Variants in ZC3H12B observed in about 807,000 individuals in gnomAD.
The protein encoded by ZC3H12B is zinc finger CCCH-type containing 12B, also known as probable ribonuclease ZC3H12B.
A neutral mutation model predicts 43.9 loss-of-function variants in ZC3H12B; 7 were observed. The ratio of observed to expected loss-of-function variants is 0.16; its 90% CI spans 0.09 to 0.30. The LOEUF (loss-of-function observed/expected upper bound fraction) is 0.30, where lower values mean the gene tolerates loss of function less well. Among genes scored for constraint, ZC3H12B ranks in the 10% least tolerant of loss-of-function variants. The probability of loss-of-function intolerance (pLI) is 1.00; values close to 1 mark genes in which losing one functional copy is unlikely to be tolerated. For missense variants in ZC3H12B, 475 were observed against 670.2 expected, an observed-to-expected ratio of 0.71 and a Z score of 3.22; for synonymous variants, 222 against 241.7, an observed-to-expected ratio of 0.92 and a Z score of 0.76.
chrX:65,462,681 G>C (rs183211584), intron 3 of ZC3H12B, among the ~76,000 whole-genome samples: 1 of 111,704 alleles, frequency 9.0e-6, no homozygotes, highest in Non-Finnish European at 1.9e-5. Flanking sequence ...ATGTAAATTA[G>C]TTCAGCCACT....
the ZC3H12B span, among the ~76,000 whole-genome samples, chrX:65,248,064 G>C: frequency 9.1e-6 from 1 of 110,471 alleles, no homozygotes; most frequent in Admixed American, 9.6e-5. Context: ...TTTTTTTGTG[G>C]TGGAGTCTCG....
intron 2 of ZC3H12B, among the ~76,000 whole-genome samples, chrX:65,377,393 A>C (rs190272839): frequency 2.3e-3 from 259 of 110,654 alleles, no homozygotes; most frequent in African/African-American, 8.0e-3. Flanking sequence ...CTGGGGAAAA[A>C]AATCGATATC....
At chrX:65,188,233 A>C in the ZC3H12B span, among the ~76,000 whole-genome samples, 1 of 111,323 alleles carries the variant, frequency 9.0e-6, no homozygotes, top group Non-Finnish European at 1.9e-5. Flanking sequence ...GGTTGCTTCC[A>C]CATTTTGGCT....
chrX:65,284,329 C>G, the ZC3H12B span, among the ~76,000 whole-genome samples: 1 of 108,756 alleles, frequency 9.2e-6, no homozygotes, highest in South Asian at 3.9e-4. Context: ...AGTAATAGAT[C>G]TTAATCAGAA....
chrX:65,247,736 G>A, the ZC3H12B span, among the ~76,000 whole-genome samples: 1 of 111,904 alleles, frequency 8.9e-6, no homozygotes, highest in South Asian at 3.7e-4. Context: ...TTGGTGGGGA[G>A]GAGAGAGAGC....
chrX:65,253,709 G>A, the ZC3H12B span, among the ~76,000 whole-genome samples: 759 of 111,826 alleles, frequency 6.8e-3, 10 homozygotes, highest in African/African-American at 0.023. Context: ...CCCAAATGGG[G>A]TGCCTGCCAA....
the ZC3H12B span, among the ~76,000 whole-genome samples, chrX:65,289,516 A>G: frequency 1.8e-5 from 2 of 109,449 alleles, no homozygotes; most frequent in South Asian, 7.5e-4. Flanking sequence ...CAGGGAGTAC[A>G]TGTATATATT....
chrX:65,244,496 G>T, the ZC3H12B span, among the ~76,000 whole-genome samples: 1 of 108,864 alleles, frequency 9.2e-6, no homozygotes, highest in Non-Finnish European at 1.9e-5. Flanking sequence ...TGTAATCCCA[G>T]TACCTTGGGA....
the ZC3H12B span, among the ~76,000 whole-genome samples, chrX:65,204,018 C>G: frequency 1.8e-5 from 2 of 112,123 alleles, no homozygotes; most frequent in African/African-American, 3.2e-5. Context: ...CAGGACAACA[C>G]TGAGTTTGAA....
chrX:65,081,033 T>TA, the ZC3H12B span, among the ~76,000 whole-genome samples: 2 of 110,365 alleles, frequency 1.8e-5, no homozygotes, highest in East Asian at 5.7e-4. Flanking sequence ...TGCTTTTTTT[T>TA]AATGCAAAGA....
the ZC3H12B span, among the ~76,000 whole-genome samples, chrX:65,212,685 CAT>C: frequency 3.6e-5 from 3 of 83,744 alleles, no homozygotes; most frequent in Admixed American, 1.6e-4. Flanking sequence ...ATTTATATAT[CAT>C]ATATAAATAT....
At chrX:65,279,417 T>C in the ZC3H12B span, among the ~76,000 whole-genome samples, 1 of 109,727 alleles carries the variant, frequency 9.1e-6, no homozygotes, top group Non-Finnish European at 1.9e-5. Flanking sequence ...TTTCATATGA[T>C]TGTTGGCCAC....
At chrX:65,183,893 C>A in the ZC3H12B span, among the ~76,000 whole-genome samples, 1 of 110,842 alleles carries the variant, frequency 9.0e-6, no homozygotes, top group Non-Finnish European at 1.9e-5. Context: ...ACCTGATGCC[C>A]TTTTTTATGT....
chrX:65,204,964 A>G, the ZC3H12B span, among the ~76,000 whole-genome samples: 2 of 111,821 alleles, frequency 1.8e-5, no homozygotes, highest in Non-Finnish European at 3.8e-5. Context: ...TAGTGTTAGT[A>G]TTTCACAGTT....
intron 2 of ZC3H12B, among the ~76,000 whole-genome samples, chrX:65,397,572 C>A (rs1361620142): frequency 1.8e-5 from 2 of 111,303 alleles, no homozygotes; most frequent in Admixed American, 9.6e-5. Context: ...CCATTGAATT[C>A]AACATCATTT....
chrX:65,484,403 G>A (rs1165722237), upstream of ZC3H12B, among the ~76,000 whole-genome samples: 1 of 112,176 alleles, frequency 8.9e-6, no homozygotes. Context: ...CAGTTCAGAG[G>A]AGAAACCAAG....
the ZC3H12B span, among the ~76,000 whole-genome samples, chrX:65,247,885 G>A: frequency 2.0e-3 from 228 of 111,978 alleles, 1 homozygote; most frequent in African/African-American, 7.1e-3. Flanking sequence ...TATAATAAAC[G>A]TTTAAAAAGT....
the ZC3H12B span, among the ~76,000 whole-genome samples, chrX:65,152,221 G>T: frequency 9.0e-6 from 1 of 111,569 alleles, no homozygotes; most frequent in Non-Finnish European, 1.9e-5. Context: ...AGTGTTGGAA[G>T]TTCTGGCCAG....
At chrX:65,143,595 C>T in the ZC3H12B span, among the ~76,000 whole-genome samples, 1 of 107,100 alleles carries the variant, frequency 9.3e-6, no homozygotes, top group Admixed American at 1.0e-4. Context: ...TGGAGTCTCC[C>T]TCTGTTGCCC....
Sources: gnomAD v4.1 joint callset for allele counts (sites outside exome capture counted in the v4.1 genomes callset) on GRCh38, gnomAD v4.1.1 for gene constraint, MANE v1.5 for transcripts, NCBI Gene and HGNC (gene_info 2026-07-23, HGNC 2026-07-21) for gene names.